Variants in TNS3 observed in about 807,000 individuals in gnomAD.
TNS3 encodes the protein tensin 3.
TNS3 carries 45 observed loss-of-function variants against 140.9 expected under a neutral mutation model. The ratio of observed to expected loss-of-function variants is 0.32; its 90% CI spans 0.25 to 0.41. The LOEUF is 0.41. Among genes scored for constraint, TNS3 ranks in the 10% least tolerant of loss-of-function variants. TNS3 has a pLI of 1.00. For synonymous variants in TNS3, 815 were observed against 788.4 expected (o/e 1.03, Z -0.56); for missense variants, 1,716 against 1,906.7 (o/e 0.90, Z 1.86).
chr7:47,471,054 C>G (rs1224982071), intron 4 of TNS3, among the ~76,000 whole-genome samples: 3 of 151,960 alleles, frequency 2.0e-5, no homozygotes, highest in African/African-American at 4.8e-5. Context: ...GAAGGGAAGG[C>G]CAAGGCTGCT....
chr7:47,406,623 A>C (rs1793464926), intron 13 of TNS3, among the ~76,000 whole-genome samples: 1 of 152,212 alleles, frequency 6.6e-6, no homozygotes, highest in South Asian at 2.1e-4. Flanking sequence ...AAGTACACAG[A>C]CAGCCTCAGA....
chr7:47,431,550 G>A (rs539956418), intron 8 of TNS3, among the ~76,000 whole-genome samples: 69 of 152,236 alleles, frequency 4.5e-4, no homozygotes, highest in Non-Finnish European at 7.6e-4. Flanking sequence ...CCGAGATCAC[G>A]CCACTGCACT....
In TNS3 at chr7:47,346,413, C is replaced by A. The variant is rs955156249; in HGVS notation, c.2282-57G>T. On this transcript the variant is annotated intron_variant, in intron 17 of 30. Coordinates refer to ENST00000311160, the MANE Select transcript of TNS3 (RefSeq NM_022748.12). The stretch of plus-strand genomic sequence containing the variant: ...CGCTTCCTCAAGGCGGAGTGAGGCG[C>A]CCCTTCCTTAAATCTTGCCTGCTGC... 2.5e-6 allele frequency: 4 copies of A among 1,594,402 alleles called. No individual in the cohort carries two copies. The East Asian group carries it at 6.7e-5, about 27-fold the overall frequency.
intron 3 of TNS3, among the ~76,000 whole-genome samples, chr7:47,502,018 G>A (rs964312624): frequency 6.6e-6 from 1 of 152,178 alleles, no homozygotes. Flanking sequence ...ATACGAGCAA[G>A]GTGGGCTAAA....
chr7:47,406,201 C>T (rs1314519414), intron 13 of TNS3, among the ~76,000 whole-genome samples: 1 of 152,138 alleles, frequency 6.6e-6, no homozygotes, highest in Admixed American at 6.5e-5. Flanking sequence ...GAAAAGCACA[C>T]TGCAAAGATG....
At chr7:47,498,574 A>T (rs1276479573) in intron 3 of TNS3, among the ~76,000 whole-genome samples, 6 of 152,268 alleles carry the variant, frequency 3.9e-5, no homozygotes, top group East Asian at 3.8e-4. Flanking sequence ...GATACATTTT[A>T]AAATTATATT....
At chr7:47,330,371 T>A (rs969174672) in intron 20 of TNS3, among the ~76,000 whole-genome samples, 1 of 152,164 alleles carries the variant, frequency 6.6e-6, no homozygotes, top group African/African-American at 2.4e-5. Context: ...TGCACTCAGC[T>A]CCCTGGAGCT....
At chr7:47,286,225 G>C (rs956463403) in intron 27 of TNS3, among the ~76,000 whole-genome samples, 1 of 152,088 alleles carries the variant, frequency 6.6e-6, no homozygotes, top group Non-Finnish European at 1.5e-5. Flanking sequence ...TCTCTTGAAG[G>C]AGTCACAGAT....
chr7:47,283,980 T>A, intron 27 of TNS3, 115 bp from the exon 28 acceptor site: 1 of 960,432 alleles, frequency 1.0e-6, no homozygotes, highest in Non-Finnish European at 1.5e-6. Flanking sequence ...CTTGCGCATG[T>A]GGCCTATGCT....
chr7:47,348,081 A>T (rs1189339016), intron 17 of TNS3, among the ~76,000 whole-genome samples: 2 of 152,228 alleles, frequency 1.3e-5, no homozygotes, highest in African/African-American at 4.8e-5. Flanking sequence ...TCTTCAACAC[A>T]CACATGCATT....
intron 20 of TNS3, among the ~76,000 whole-genome samples, chr7:47,307,839 T>A (rs565956950): frequency 6.6e-6 from 1 of 152,364 alleles, no homozygotes; most frequent in Admixed American, 6.5e-5. Context: ...TTTATATATT[T>A]TAGATGCAAG....
At chr7:47,486,037 CAGGTGTGTGAGTGT>C (rs1269591048) in intron 3 of TNS3, among the ~76,000 whole-genome samples, 1 of 142,986 alleles carries the variant, frequency 7.0e-6, no homozygotes, top group Non-Finnish European at 1.5e-5. Context: ...GGGGTGAGTG[CAGGTGTGTGAGTGT>C]GGGTGTGTGG....
Position 47,504,499 on chromosome 7 carries a change from C to T in TNS3, c.-115+2408G>A, listed in dbSNP as rs551482499. On this transcript the variant is annotated intron_variant, in intron 3 of 30. Transcript: ENST00000311160. ...CATCGAGGGGGTTTAACACAGCACA[C>T]GCTACCACCCAGTCTTGGGTCTGAT... Among the ~76,000 whole-genome samples, 23 of 152,354 alleles carry T rather than the reference C, an allele frequency of 1.5e-4. No homozygotes were observed. The South Asian group carries it at 4.8e-3, about 32-fold the overall frequency.
chr7:47,507,449 G>C (rs1798460696), intron 2 of TNS3, among the ~76,000 whole-genome samples: 1 of 152,186 alleles, frequency 6.6e-6, no homozygotes, highest in South Asian at 2.1e-4. Context: ...AAATTTGTGA[G>C]AAAGTCGTGC....
Position 47,303,366 on chromosome 7 carries a change from G to A in TNS3, c.3041C>T (p.Pro1014Leu). The change falls in exon 22 of 31, where the codon CCC becomes CTC. Residue 1014 changes from proline (P) to leucine (L), a missense_variant. Pro to Leu is a moderately conservative substitution (Grantham distance 98). Coordinates refer to ENST00000311160, the MANE Select transcript of TNS3 (RefSeq NM_022748.12). ...GAAGCCCAGGAAGGCCTGGCTGCTG[G>A]GAGGCGCCAGGGAGTCCGGTGGCTC... is the stretch of plus-strand genomic sequence containing the variant. ...LAEPPDSLAP[P>L]SSQAFLGFGT... is the part of the protein sequence containing the mutation. 6.2e-7 allele frequency: 1 copy of A among 1,613,688 alleles called. No individual in the cohort carries two copies. Among genetic ancestry groups the A allele is most frequent in the South Asian group, 1.1e-5 (1 of 91,034 alleles).
At chr7:47,473,632 C>T (rs570601160) in intron 4 of TNS3, among the ~76,000 whole-genome samples, 6 of 152,062 alleles carry the variant, frequency 3.9e-5, no homozygotes, top group South Asian at 2.1e-4. Context: ...ACTTATGGGC[C>T]GTGAGGACAA....
At chr7:47,447,185 G>C (rs780348079) in intron 4 of TNS3, among the ~76,000 whole-genome samples, 2 of 152,176 alleles carry the variant, frequency 1.3e-5, no homozygotes, top group African/African-American at 2.4e-5. Flanking sequence ...TGAAAAGTGA[G>C]GAGAGGCATT....
At chr7:47,316,777 C>CAA (rs766794024) in intron 20 of TNS3, among the ~76,000 whole-genome samples, 55 of 55,900 alleles carry the variant, frequency 9.8e-4, no homozygotes, top group African/African-American at 2.6e-3. Context: ...GACTCCATCT[C>CAA]AAAAAAAAAA....
intron 20 of TNS3, among the ~76,000 whole-genome samples, chr7:47,330,720 G>T (rs1167967164): frequency 6.6e-6 from 1 of 152,116 alleles, no homozygotes. Context: ...TGAGAAAAGG[G>T]GCATTAAACC....
Sources: gnomAD v4.1 joint callset for allele counts (sites outside exome capture counted in the v4.1 genomes callset) on GRCh38, gnomAD v4.1.1 for gene constraint, MANE v1.5 for transcripts, NCBI Gene and HGNC (gene_info 2026-07-23, HGNC 2026-07-21) for gene names.